The following RDX variants were observed in gnomAD, a reference collection of about 807,000 sequenced individuals.
RDX encodes the protein radixin, also known as deafness, autosomal recessive 24.
In RDX, 32 loss-of-function variants were observed where a neutral mutation model predicts 83.7. That is an observed-to-expected ratio of 0.38 (90% CI 0.29 to 0.51). The LOEUF (loss-of-function observed/expected upper bound fraction) is 0.51, where lower values mean the gene tolerates loss of function less well. RDX is among the 20% of genes least tolerant of loss of function. The pLI is 0.87. For missense variants in RDX, 600 were observed against 689.9 expected (o/e 0.87, Z 1.46); for synonymous variants, 229 against 222.7 (o/e 1.03, Z -0.25).
chr11:110,228,868 A>T (rs1336838356), downstream of RDX, among the ~76,000 whole-genome samples: 1 of 152,042 alleles, frequency 6.6e-6, no homozygotes, highest in Non-Finnish European at 1.5e-5. Context: ...CAGAGTAAAA[A>T]AATCACTATG....
chr11:110,226,594 G>C (rs1388580663), downstream of RDX, among the ~76,000 whole-genome samples: 1 of 152,090 alleles, frequency 6.6e-6, no homozygotes, highest in African/African-American at 2.4e-5. Flanking sequence ...TAATGGCACT[G>C]AACTGTACAC....
At chr11:110,248,104 G>C (rs1272323475) in intron 9 of RDX, among the ~76,000 whole-genome samples, 2 of 152,092 alleles carry the variant, frequency 1.3e-5, no homozygotes, top group African/African-American at 2.4e-5. Flanking sequence ...AATGGGGTGA[G>C]GGACAAAAGA....
chr11:110,208,003 T>TA (rs200161204), intron 14 of RDX, among the ~76,000 whole-genome samples: 4 of 142,170 alleles, frequency 2.8e-5, no homozygotes, highest in African/African-American at 1.1e-4. Flanking sequence ...TTTTTTTTTT[T>TA]AATAGAGACG....
intron 12 of RDX, among the ~76,000 whole-genome samples, chr11:110,235,679 T>C (rs150622592): frequency 1.1e-3 from 169 of 152,336 alleles, no homozygotes; most frequent in Middle Eastern, 6.8e-3. Flanking sequence ...TCTCCTAACA[T>C]TTCTGAACAA....
At chr11:110,270,070 A>G (rs981611194) in intron 3 of RDX, among the ~76,000 whole-genome samples, 9 of 152,122 alleles carry the variant, frequency 5.9e-5, no homozygotes, top group Admixed American at 6.6e-5. Context: ...TAATAAAGAA[A>G]TAAGTAATAA....
chr11:110,191,021 A>C (rs1863094330), intron 15 of RDX, among the ~76,000 whole-genome samples: 2 of 152,240 alleles, frequency 1.3e-5, no homozygotes, highest in Admixed American at 6.5e-5. Flanking sequence ...TACAAAGAAA[A>C]GTCAATACCA....
At chr11:110,208,657 A>G (rs1183905192) in intron 14 of RDX, among the ~76,000 whole-genome samples, 1 of 152,146 alleles carries the variant, frequency 6.6e-6, no homozygotes, top group Non-Finnish European at 1.5e-5. Context: ...TTTAACAATC[A>G]TTTATTAATT....
At chr11:110,290,219 T>C (rs1452401231) in intron 1 of RDX, among the ~76,000 whole-genome samples, 4 of 152,078 alleles carry the variant, frequency 2.6e-5, no homozygotes, top group East Asian at 3.9e-4. Flanking sequence ...AATTAACTTA[T>C]ACACACTACT....
intron 15 of RDX, chr11:110,196,142 T>C (rs2134231342): frequency 6.6e-6 from 1 of 152,258 alleles, no homozygotes; most frequent in East Asian, 1.9e-4. Flanking sequence ...TCCTAAAGCT[T>C]CCCATAAGTC....
intron 6 of RDX, 24 bp from the exon 7 acceptor site, chr11:110,257,937 A>G: frequency 6.2e-7 from 1 of 1,604,310 alleles, no homozygotes; most frequent in Non-Finnish European, 8.5e-7. Context: ...ACTAAATGTA[A>G]TATATTTAAG....
chr11:110,274,453 T>G (rs1176027348), intron 2 of RDX, among the ~76,000 whole-genome samples: 1 of 152,208 alleles, frequency 6.6e-6, no homozygotes, highest in East Asian at 1.9e-4. Context: ...CAAGTTTTCT[T>G]TCTTGATGTG....
intron 1 of RDX, among the ~76,000 whole-genome samples, chr11:110,285,951 T>C (rs531197360): frequency 3.2e-4 from 49 of 152,050 alleles, no homozygotes; most frequent in African/African-American, 1.2e-3. Flanking sequence ...AAAAAATAAA[T>C]TGCCTAAACC....
chr11:110,189,268 A>AAAAAAAAAAAAAAAAAAAG (rs1863057746), intron 15 of RDX, among the ~76,000 whole-genome samples: 2 of 130,632 alleles, frequency 1.5e-5, no homozygotes, highest in Non-Finnish European at 1.6e-5. Context: ...AAAAAAAAAA[A>AAAAAAAAAAAAAAAAAAAG]GACAAGGGCA....
chr11:110,264,959 C>A, intron 3 of RDX, 85 bp from the exon 4 acceptor site: 1 of 947,458 alleles, frequency 1.1e-6, no homozygotes, highest in Non-Finnish European at 1.7e-6. Context: ...AAAAGGAGAA[C>A]AAAACTATGT....
intron 9 of RDX, among the ~76,000 whole-genome samples, chr11:110,252,650 T>C (rs1859384389): frequency 6.6e-6 from 1 of 152,152 alleles, no homozygotes; most frequent in East Asian, 1.9e-4. Context: ...ATGTACTGTA[T>C]AGAAAGTAAA....
At chr11:110,197,412 GCCAACTATGTGACA>G (rs1387651793) in intron 15 of RDX, among the ~76,000 whole-genome samples, 2 of 152,168 alleles carry the variant, frequency 1.3e-5, no homozygotes, top group Non-Finnish European at 2.9e-5. Context: ...TTCCAAGGGT[GCCAACTATGTGACA>G]CCTCAAGCTG....
At position 110,264,853 on chromosome 11, in the gene RDX, G is replaced by A. The variant is rs756266812; in HGVS notation, c.118C>T (p.Arg40Cys). 4.3e-6 allele frequency: 7 copies of A among 1,613,442 alleles called. No individual in the cohort carries two copies. Among genetic ancestry groups the A allele is most frequent in the East Asian group, 2.2e-5 (1 of 44,848 alleles). Residue 40 changes from arginine to cysteine, a missense_variant, in exon 4 of 14, where the codon CGT becomes TGT. Coordinates refer to ENST00000645495, the MANE Select transcript of RDX (RefSeq NM_002906.4). ...TGCAGCCCAAAAAACCAGACCTCAC[G>A]CAAACCAACTGTTTTCACCACCTAA... is the stretch of plus-strand genomic sequence containing the variant. ...FDQVVKTVGL[R>C]EVWFFGLQYV... is the part of the protein sequence containing the mutation.
intron 15 of RDX, among the ~76,000 whole-genome samples, chr11:110,191,436 A>G (rs1410830121): frequency 2.0e-5 from 3 of 152,260 alleles, no homozygotes; most frequent in Non-Finnish European, 2.9e-5. Context: ...CAAAATAAGA[A>G]GAGCCATCTA....
intron 11 of RDX, 79 bp from the exon 12 acceptor site, chr11:110,236,270 A>G (rs1864846731): frequency 2.0e-6 from 2 of 1,014,964 alleles, no homozygotes; most frequent in African/African-American, 3.2e-5. Context: ...TTTAATGCAC[A>G]TGCTTAGGCT....
Sources: allele counts gnomAD v4.1 joint callset (sites outside exome capture counted in the v4.1 genomes callset), GRCh38; gene constraint gnomAD v4.1.1; transcripts MANE v1.5; gene names NCBI Gene and HGNC (gene_info 2026-07-23, HGNC 2026-07-21).